Variants in METTL15 observed in about 807,000 individuals in gnomAD.
METTL15 encodes the protein 12S rRNA N(4)-cytidine methyltransferase METTL15.
Under a neutral mutation model 38.3 loss-of-function variants are expected in METTL15, and 34 were observed. The observed-to-expected ratio is 0.89, with a 90% CI of 0.68 to 1.18. The LOEUF is 1.18. Ranked by LOEUF, METTL15 falls within the 50% of genes most tolerant of loss-of-function variation. The pLI, the probability that METTL15 is intolerant of heterozygous loss-of-function variation, is 0.00. For synonymous variants in METTL15, 162 were observed against 170.9 expected, an observed-to-expected ratio of 0.95 and a Z score of 0.41; for missense variants, 438 against 498.4, an observed-to-expected ratio of 0.88 and a Z score of 1.15.
chr11:28,228,602 A>G (rs1853572132), intron 4 of METTL15, among the ~76,000 whole-genome samples: 1 of 151,822 alleles, frequency 6.6e-6, no homozygotes, highest in Non-Finnish European at 1.5e-5. Flanking sequence ...ATACATATAC[A>G]TATATATGTA....
chr11:28,209,077 A>C (rs1229330347), intron 3 of METTL15, among the ~76,000 whole-genome samples: 1 of 151,982 alleles, frequency 6.6e-6, no homozygotes, highest in Non-Finnish European at 1.5e-5. Context: ...GTACATCTAC[A>C]AGGGCATAAT....
chr11:28,157,633 G>T (rs1850307924), intron 3 of METTL15, among the ~76,000 whole-genome samples: 1 of 152,098 alleles, frequency 6.6e-6, no homozygotes, highest in Non-Finnish European at 1.5e-5. Context: ...GGTACTTTCT[G>T]GCCCATCTAG....
chr11:28,439,536 G>C (rs940539848), intron 6 of METTL15, among the ~76,000 whole-genome samples: 2 of 152,178 alleles, frequency 1.3e-5, no homozygotes, highest in African/African-American at 4.8e-5. Flanking sequence ...ACTTGGACTT[G>C]ATGGTGCAGT....
At chr11:28,393,810 C>T (rs979059480) in intron 5 of METTL15, among the ~76,000 whole-genome samples, 1 of 152,044 alleles carries the variant, frequency 6.6e-6, no homozygotes, top group African/African-American at 2.4e-5. Flanking sequence ...ATGTGAACAC[C>T]AGAAGATGAA....
chr11:28,393,553 C>T (rs913556388), intron 5 of METTL15, among the ~76,000 whole-genome samples: 3 of 152,026 alleles, frequency 2.0e-5, no homozygotes, highest in African/African-American at 7.2e-5. Flanking sequence ...TAAAATGACC[C>T]GTGGCTGGCA....
intron 6 of METTL15, among the ~76,000 whole-genome samples, chr11:28,518,185 GA>G (rs1851734654): frequency 6.6e-6 from 1 of 152,100 alleles, no homozygotes; most frequent in Non-Finnish European, 1.5e-5. Flanking sequence ...AAAGCATAAA[GA>G]AATTATCTAG....
At chr11:28,267,690 G>A (rs370434806) in intron 4 of METTL15, among the ~76,000 whole-genome samples, 5 of 152,076 alleles carry the variant, frequency 3.3e-5, no homozygotes, top group East Asian at 1.9e-4. Context: ...TCTTCTCTAC[G>A]TATACCAATG....
chr11:28,177,732 A>G (rs926437733), intron 3 of METTL15, among the ~76,000 whole-genome samples: 1 of 151,938 alleles, frequency 6.6e-6, no homozygotes, highest in African/African-American at 2.4e-5. Flanking sequence ...GATATAATGA[A>G]AGCGTTGGAG....
intron 3 of METTL15, among the ~76,000 whole-genome samples, chr11:28,173,925 G>A (rs1850953848): frequency 6.6e-6 from 1 of 152,174 alleles, no homozygotes; most frequent in Non-Finnish European, 1.5e-5. Context: ...GAGGTAAAGT[G>A]CCATTTTCAT....
chr11:28,155,567 CA>C (rs1850235965), intron 3 of METTL15, among the ~76,000 whole-genome samples: 1 of 152,042 alleles, frequency 6.6e-6, no homozygotes, highest in African/African-American at 2.4e-5. Context: ...ACCCTCTTAA[CA>C]GAGATGAGAG....
At chr11:28,155,569 G>A (rs1402792050) in intron 3 of METTL15, among the ~76,000 whole-genome samples, 2 of 152,156 alleles carry the variant, frequency 1.3e-5, no homozygotes, top group African/African-American at 4.8e-5. Context: ...CCTCTTAACA[G>A]AGATGAGAGG....
intron 6 of METTL15, among the ~76,000 whole-genome samples, chr11:28,513,339 G>C (rs1352621973): frequency 1.3e-5 from 2 of 152,272 alleles, no homozygotes; most frequent in African/African-American, 4.8e-5. Context: ...TGCCTTTGCT[G>C]TACCACTTAC....
chr11:28,478,934 C>CA lies in METTL15; in HGVS notation c.*425-47544_*425-47543insA. Among the ~76,000 whole-genome samples, 2 of 151,996 alleles carry CA rather than the reference C, an allele frequency of 1.3e-5. 1 individual carries two copies. Among genetic ancestry groups the CA allele is most frequent in the Middle Eastern group, 6.8e-3 (2 of 294 alleles). The stretch of plus-strand genomic sequence containing the variant: ...CAACATGGCACCTGCCAAGGGAGGC[C>CA]CCATGGTTAAGGTGCAGATTGATGT... On this transcript the variant is annotated intron_variant and NMD_transcript_variant, in intron 6 of 7. Transcript: ENST00000532947.
chr11:28,379,706 A>T (rs1850360750), intron 5 of METTL15, among the ~76,000 whole-genome samples: 1 of 152,192 alleles, frequency 6.6e-6, no homozygotes, highest in South Asian at 2.1e-4. Flanking sequence ...AATATTCTGT[A>T]AATGTCAGTT....
chr11:28,389,874 C>T (rs924234949), intron 5 of METTL15, among the ~76,000 whole-genome samples: 24 of 151,770 alleles, frequency 1.6e-4, no homozygotes, highest in African/African-American at 4.8e-4. Context: ...CCTATTTCTC[C>T]ACATCCTCTC....
intron 6 of METTL15, among the ~76,000 whole-genome samples, chr11:28,454,463 G>A (rs1049898569): frequency 3.3e-5 from 5 of 152,138 alleles, no homozygotes; most frequent in African/African-American, 9.7e-5. Context: ...GACATATTTA[G>A]GGTTTTGTGT....
intron 5 of METTL15, among the ~76,000 whole-genome samples, chr11:28,373,549 T>G (rs1007162996): frequency 2.0e-5 from 3 of 152,230 alleles, no homozygotes; most frequent in African/African-American, 2.4e-5. Context: ...TGCAAAAATT[T>G]TCTCCCATTT....
chr11:28,407,874 C>G (rs1239463232), intron 5 of METTL15, among the ~76,000 whole-genome samples: 3 of 152,062 alleles, frequency 2.0e-5, no homozygotes, highest in Admixed American at 1.3e-4. Context: ...CACTGCAGCA[C>G]TATTTACAAT....
intron 3 of METTL15, chr11:28,134,608 G>A (rs530909211): frequency 5.3e-5 from 21 of 398,480 alleles, no homozygotes; most frequent in Non-Finnish European, 5.8e-5. Context: ...GACAGGAGGC[G>A]CTGTTTTGGA....
Sources: gnomAD v4.1 joint callset for allele counts (sites outside exome capture counted in the v4.1 genomes callset) on GRCh38, gnomAD v4.1.1 for gene constraint, MANE v1.5 for transcripts, NCBI Gene and HGNC (gene_info 2026-07-23, HGNC 2026-07-21) for gene names.